ACVR2A: variants seen among roughly 807,000 people sequenced by gnomAD.
ACVR2A encodes the protein activin A receptor type 2A, also known as activin receptor type-2A.
Under a neutral mutation model 61.4 loss-of-function variants are expected in ACVR2A, and 7 were observed. That is an observed-to-expected ratio of 0.11 (90% CI 0.06 to 0.21). The LOEUF is 0.21. Among genes scored for constraint, ACVR2A ranks in the 10% least tolerant of loss-of-function variants. ACVR2A has a pLI of 1.00. For synonymous variants in ACVR2A, 193 were observed against 208.3 expected, an observed-to-expected ratio of 0.93 and a Z score of 0.63; for missense variants, 322 against 621.7, an observed-to-expected ratio of 0.52 and a Z score of 5.13.
At chr2:147,914,769 A>G (rs1378565952) in intron 4 of ACVR2A, among the ~76,000 whole-genome samples, 1 of 151,998 alleles carries the variant, frequency 6.6e-6, no homozygotes. Context: ...GATCTTCAGG[A>G]GAGGTTTTTG....
At position 147,930,463 on chromosome 2, in the gene ACVR2A, A is replaced by G. The variant is rs1241480884; in HGVS notation, c.*3189A>G. 4 of 151,606 alleles carry G rather than the reference A, an allele frequency of 2.6e-5. No individual in the cohort carries two copies. The highest frequency in any genetic ancestry group is 9.7e-5 in the African/African-American group (4 of 41,102). The allele number at this position is 151,606 out of a possible 1,614,324, so 9.4% of individuals were successfully genotyped here. On this transcript the variant is annotated 3_prime_UTR_variant, in exon 11 of 11. Coordinates refer to ENST00000241416, the MANE Select transcript of ACVR2A (RefSeq NM_001616.5). Reference sequence around the variant, plus strand: ...TTTAGGAACATTTGGTATGATATGCATAAAATTATTTATCCATTTATGGGC... The same window carrying G: ...TTTAGGAACATTTGGTATGATATGCGTAAAATTATTTATCCATTTATGGGC...
chr2:147,863,015 T>C (rs1202436013), intron 1 of ACVR2A, among the ~76,000 whole-genome samples: 1 of 152,198 alleles, frequency 6.6e-6, no homozygotes, highest in Non-Finnish European at 1.5e-5. Flanking sequence ...CCCTACAAGG[T>C]AATTGTTACC....
intron 4 of ACVR2A, among the ~76,000 whole-genome samples, chr2:147,905,375 T>A (rs1016555658): frequency 2.6e-5 from 4 of 152,128 alleles, no homozygotes; most frequent in African/African-American, 9.7e-5. Flanking sequence ...ATAGCAAAAT[T>A]TGATTTTTTG....
intron 1 of ACVR2A, among the ~76,000 whole-genome samples, chr2:147,865,048 G>A (rs1329254511): frequency 6.6e-6 from 1 of 151,880 alleles, no homozygotes; most frequent in Non-Finnish European, 1.5e-5. Context: ...TATCTTTTAG[G>A]ACTTCACTAG....
At chr2:147,909,526 TC>T (rs1371082033) in intron 4 of ACVR2A, among the ~76,000 whole-genome samples, 1 of 152,224 alleles carries the variant, frequency 6.6e-6, no homozygotes, top group Non-Finnish European at 1.5e-5. Context: ...GATTCGATTT[TC>T]ACCGTTACCT....
At chr2:147,869,424 G>A (rs1685956136) in intron 1 of ACVR2A, among the ~76,000 whole-genome samples, 1 of 152,200 alleles carries the variant, frequency 6.6e-6, no homozygotes, top group African/African-American at 2.4e-5. Context: ...AGTTGTGTTT[G>A]CGTGTGTTTA....
chr2:147,884,928 G>C (rs913017837), intron 1 of ACVR2A, among the ~76,000 whole-genome samples: 9 of 152,014 alleles, frequency 5.9e-5, no homozygotes, highest in African/African-American at 2.2e-4. Flanking sequence ...CAATACTACA[G>C]AATATAGAAT....
intron 10 of ACVR2A, among the ~76,000 whole-genome samples, chr2:147,926,525 G>A (rs1330535547): frequency 6.6e-6 from 1 of 151,944 alleles, no homozygotes; most frequent in Non-Finnish European, 1.5e-5. Context: ...GAAGCACCAT[G>A]TTTTCTCCTC....
chr2:147,877,389 T>C (rs1176905067), intron 1 of ACVR2A: 3 of 152,188 alleles, frequency 2.0e-5, no homozygotes, highest in Non-Finnish European at 4.4e-5. Context: ...AAAGTTTTTT[T>C]CAAGACATTT....
chr2:147,917,126 T>G, intron 5 of ACVR2A, among the ~76,000 whole-genome samples, 157 bp from the exon 6 acceptor site: 1 of 151,962 alleles, frequency 6.6e-6, no homozygotes, highest in East Asian at 1.9e-4. Flanking sequence ...TAACCTATTG[T>G]CAGAGCTTTT....
At chr2:147,882,169 T>C (rs1435787669) in intron 1 of ACVR2A, among the ~76,000 whole-genome samples, 1 of 152,222 alleles carries the variant, frequency 6.6e-6, no homozygotes, top group East Asian at 1.9e-4. Context: ...GCCATCTATG[T>C]GGGGATAATT....
intron 1 of ACVR2A, among the ~76,000 whole-genome samples, chr2:147,862,589 T>C (rs1685754740): frequency 6.6e-6 from 1 of 151,936 alleles, no homozygotes; most frequent in African/African-American, 2.4e-5. Flanking sequence ...ACTAAAAATA[T>C]GAAAATTAGC....
At chr2:147,909,642 TA>T (rs374344699) in intron 4 of ACVR2A, among the ~76,000 whole-genome samples, 21 of 152,148 alleles carry the variant, frequency 1.4e-4, no homozygotes, top group African/African-American at 5.1e-4. Flanking sequence ...TATTTTGCTT[TA>T]TTTTTATTTT....
rs1686921527 is a variant in ACVR2A at position 147,903,604 on chromosome 2, A to G, written c.528+3706A>G. ...GCAAAGAATACAAAGTTGGAGCATG[A>G]CATGTGGTCTTCCATACTCTCTTTG... On this transcript the variant is annotated intron_variant, in intron 4 of 10. Coordinates refer to ENST00000241416, the MANE Select transcript of ACVR2A (RefSeq NM_001616.5). Among the ~76,000 whole-genome samples the G allele has an allele frequency of 2.6e-5, 4 of 151,776 alleles. No individual in the cohort carries two copies. The South Asian group carries it at 8.3e-4, about 31-fold the overall frequency.
chr2:147,848,674 G>A (rs145399059), intron 1 of ACVR2A, among the ~76,000 whole-genome samples: 1 of 152,114 alleles, frequency 6.6e-6, no homozygotes, highest in Admixed American at 6.5e-5. Context: ...GAGGGTGGGA[G>A]GAGGTAGATG....
At position 147,911,056 on chromosome 2, in the gene ACVR2A, A is replaced by G. The variant is rs114822609; in HGVS notation, c.529-4135A>G. 5.6e-3 allele frequency among the ~76,000 whole-genome samples: 858 copies of G among 152,284 alleles called. 5 individuals carry two copies. The highest frequency in any genetic ancestry group is 0.019 in the African/African-American group (789 of 41,570). On this transcript the variant is annotated intron_variant, in intron 4 of 10. Transcript: ENST00000241416. Reference sequence around the variant, plus strand: ...TAGAGGTTCTTAAGACAACTATCAGAAAGTCTGAGAAACTGATTTCTAGCT... The same window carrying G: ...TAGAGGTTCTTAAGACAACTATCAGGAAGTCTGAGAAACTGATTTCTAGCT...
Position 147,898,663 on chromosome 2 carries a change from T to A in ACVR2A, c.264-795T>A, listed in dbSNP as rs926063138. On this transcript the variant is annotated intron_variant, in intron 2 of 10. Coordinates refer to ENST00000241416, the MANE Select transcript of ACVR2A (RefSeq NM_001616.5). Reference sequence around the variant, plus strand: ...AAGTTCATCTGATGTTGATTTTTTTTAATAGTTTTAGCTGTTTATTAGTGG... The same window carrying A: ...AAGTTCATCTGATGTTGATTTTTTTAAATAGTTTTAGCTGTTTATTAGTGG... Among the ~76,000 whole-genome samples, 11 of 152,162 alleles carry A rather than the reference T, an allele frequency of 7.2e-5. No individual in the cohort carries two copies. The South Asian group carries it at 8.3e-4, about 11-fold the overall frequency.
chr2:147,866,288 G>A (rs1685853078), intron 1 of ACVR2A, among the ~76,000 whole-genome samples: 1 of 152,156 alleles, frequency 6.6e-6, no homozygotes, highest in Non-Finnish European at 1.5e-5. Flanking sequence ...GTATATTGCC[G>A]TAGCCACCAT....
At chr2:147,881,995 G>T (rs1324586125) in intron 1 of ACVR2A, among the ~76,000 whole-genome samples, 1 of 152,096 alleles carries the variant, frequency 6.6e-6, no homozygotes, top group Non-Finnish European at 1.5e-5. Flanking sequence ...TAAAAGGATG[G>T]TTGCTTGTCT....
Sources: gnomAD v4.1 joint callset for allele counts (sites outside exome capture counted in the v4.1 genomes callset) on GRCh38, gnomAD v4.1.1 for gene constraint, MANE v1.5 for transcripts, NCBI Gene and HGNC (gene_info 2026-07-23, HGNC 2026-07-21) for gene names.